The following SGPP2 variants were observed in gnomAD, a reference collection of about 807,000 sequenced individuals.
The protein encoded by SGPP2 is sphingosine 1-phosphate phosphohydrolase 2.
A neutral mutation model predicts 33.9 loss-of-function variants in SGPP2; 30 were observed. The observed-to-expected ratio is 0.89, with a 90% CI of 0.66 to 1.20. The LOEUF is 1.20. Among genes scored for constraint, SGPP2 ranks in the 50% most tolerant of loss-of-function variants. SGPP2 has a pLI of 0.00. For synonymous variants in SGPP2, 233 were observed against 225.0 expected (o/e 1.04, Z -0.32); for missense variants, 458 against 532.1 (o/e 0.86, Z 1.37).
chr2:222,435,743 C>T (rs934984633), intron 1 of SGPP2, among the ~76,000 whole-genome samples: 2 of 152,282 alleles, frequency 1.3e-5, no homozygotes, highest in East Asian at 1.9e-4. Flanking sequence ...CAAGTGTATA[C>T]GTGCACAAAC....
At chr2:222,499,913 T>C (rs1698340898) in intron 2 of SGPP2, among the ~76,000 whole-genome samples, 1 of 152,162 alleles carries the variant, frequency 6.6e-6, no homozygotes, top group Non-Finnish European at 1.5e-5. Flanking sequence ...AGGTTGCCAG[T>C]GTTCTGGACT....
intron 1 of SGPP2, among the ~76,000 whole-genome samples, chr2:222,459,148 T>C (rs1202630541): frequency 2.8e-5 from 4 of 140,604 alleles, no homozygotes; most frequent in African/African-American, 8.0e-5. Flanking sequence ...CTTTCTTTTT[T>C]TTTTTTTTTT....
rs149935951 is a variant in SGPP2, at chr2:222,499,257, G to A, written c.379-22510G>A. 2.5e-3 allele frequency among the ~76,000 whole-genome samples: 384 copies of A among 152,328 alleles called. 1 individual carries two copies. Among genetic ancestry groups the A allele is most frequent in the African/African-American group, 8.3e-3 (346 of 41,576 alleles). ...AGACTTTCTCATTAAAAAGGGTCAT[G>A]GGGAGGTTATGTGAAGGTTTGAGAG... On this transcript the variant is annotated intron_variant, in intron 2 of 4. Transcript: ENST00000321276.
chr2:222,440,426 T>C (rs554387641), intron 1 of SGPP2, among the ~76,000 whole-genome samples: 9 of 151,898 alleles, frequency 5.9e-5, no homozygotes, highest in South Asian at 2.1e-4. Flanking sequence ...CACTACAACC[T>C]CTGCCTCCGG....
At chr2:222,502,591 T>C (rs1296237019) in intron 2 of SGPP2, among the ~76,000 whole-genome samples, 2 of 152,250 alleles carry the variant, frequency 1.3e-5, no homozygotes, top group Non-Finnish European at 1.5e-5. Flanking sequence ...ATTTTCAGAT[T>C]AGGGATGCTC....
intron 4 of SGPP2, among the ~76,000 whole-genome samples, chr2:222,529,031 T>C (rs1179204765): frequency 6.6e-6 from 1 of 152,250 alleles, no homozygotes; most frequent in Non-Finnish European, 1.5e-5. Context: ...CCTTTACATA[T>C]GCCAAATCAT....
chr2:222,517,402 C>T (rs116191264), intron 2 of SGPP2, among the ~76,000 whole-genome samples: 2 of 152,212 alleles, frequency 1.3e-5, no homozygotes, highest in African/African-American at 4.8e-5. Context: ...TGGGGACAGT[C>T]GGAGAGGAGA....
chr2:222,555,019 C>A lies in SGPP2; in HGVS notation c.649-3328C>A, dbSNP rs371586779. ...CCCTTCGGAGTCACAACATCCCCCC[C>A]ACCCTGAAACCCCTAGGCAACTGCT... On this transcript the variant is annotated intron_variant, in intron 4 of 4. Transcript: ENST00000321276. 5.3e-5 allele frequency among the ~76,000 whole-genome samples: 8 copies of A among 152,108 alleles called. No individual in the cohort carries two copies. The East Asian group carries it at 1.2e-3, about 22-fold the overall frequency.
intron 2 of SGPP2, among the ~76,000 whole-genome samples, chr2:222,507,047 A>C (rs1260205490): frequency 2.0e-5 from 3 of 152,150 alleles, no homozygotes; most frequent in Non-Finnish European, 4.4e-5. Flanking sequence ...AAAGTGTCCC[A>C]GTGTAGGTCC....
In SGPP2 at chr2:222,521,902, G is replaced by A; in HGVS notation, c.514G>A (p.Ala172Thr). The change falls in exon 3 of 5, where the codon GCC becomes ACC. Residue 172 changes from alanine to threonine, a missense_variant. Ala to Thr is a moderately conservative substitution (Grantham distance 58, BLOSUM62 0). Transcript: ENST00000321276. ...ATCCACCCACGCCATGGCGGCCACTGCCATTGCCTTCACCCTCCTTATCTC... is the reference window on the plus strand; with the variant it reads ...ATCCACCCACGCCATGGCGGCCACTACCATTGCCTTCACCCTCCTTATCTC... The part of the protein sequence containing the change: ...MPSTHAMAAT[A>T]IAFTLLISTM... The A allele has an allele frequency of 1.2e-6, 2 of 1,605,754 alleles. No individual in the cohort carries two copies. The highest frequency in any genetic ancestry group is 1.7e-6 in the Non-Finnish European group (2 of 1,176,964).
chr2:222,473,569 T>C (rs1054388354), intron 1 of SGPP2, among the ~76,000 whole-genome samples: 1 of 152,144 alleles, frequency 6.6e-6, no homozygotes, highest in East Asian at 1.9e-4. Context: ...CATACAAATA[T>C]ACAGTTAGAA....
intron 2 of SGPP2, among the ~76,000 whole-genome samples, chr2:222,517,564 T>C (rs1274754872): frequency 6.6e-6 from 1 of 152,218 alleles, no homozygotes; most frequent in Non-Finnish European, 1.5e-5. Context: ...TGATCCTTCC[T>C]GGACACTGGA....
At chr2:222,426,894 A>G (rs1697079522) in intron 1 of SGPP2, among the ~76,000 whole-genome samples, 1 of 152,194 alleles carries the variant, frequency 6.6e-6, no homozygotes, top group African/African-American at 2.4e-5. Flanking sequence ...CCCTCTCTGC[A>G]GGCCTTTGTA....
intron 2 of SGPP2, among the ~76,000 whole-genome samples, chr2:222,485,551 A>T (rs963805046): frequency 2.0e-5 from 3 of 152,138 alleles, no homozygotes; most frequent in African/African-American, 2.4e-5. Context: ...CTACTTCCTT[A>T]TCCTATTCTG....
chr2:222,494,981 A>G (rs10171544), intron 2 of SGPP2, among the ~76,000 whole-genome samples: 132,012 of 152,162 alleles, frequency 0.87, 58,155 homozygotes, highest in East Asian at 1. Context: ...GCAGTGAGCC[A>G]AGATCGCGCC....
intron 4 of SGPP2, among the ~76,000 whole-genome samples, 178 bp from the exon 5 acceptor site, chr2:222,558,169 T>C (rs990154926): frequency 2.0e-5 from 3 of 152,228 alleles, no homozygotes; most frequent in African/African-American, 2.4e-5. Flanking sequence ...GGAAGCATTT[T>C]TTCGTATTTT....
At chr2:222,520,465 T>C (rs1005414714) in intron 2 of SGPP2, among the ~76,000 whole-genome samples, 1 of 152,168 alleles carries the variant, frequency 6.6e-6, no homozygotes, top group Non-Finnish European at 1.5e-5. Context: ...GCATGGCAGC[T>C]CACGTCTGTA....
intron 2 of SGPP2, among the ~76,000 whole-genome samples, chr2:222,497,182 G>A (rs1235862917): frequency 1.3e-5 from 2 of 151,612 alleles, no homozygotes; most frequent in Admixed American, 6.6e-5. Context: ...TTCCTGAACT[G>A]CTCAGGAGTC....
intron 2 of SGPP2, among the ~76,000 whole-genome samples, chr2:222,487,096 T>C (rs1698123115): frequency 6.6e-6 from 1 of 152,146 alleles, no homozygotes; most frequent in East Asian, 1.9e-4. Context: ...TTATAACTCA[T>C]GATGAATGTG....
Sources: allele counts gnomAD v4.1 joint callset (sites outside exome capture counted in the v4.1 genomes callset), GRCh38; gene constraint gnomAD v4.1.1; transcripts MANE v1.5; gene names NCBI Gene and HGNC (gene_info 2026-07-23, HGNC 2026-07-21).